MARCHF1: variants seen among roughly 807,000 people sequenced by gnomAD.
MARCHF1 encodes membrane associated ring-CH-type finger 1, also known as E3 ubiquitin-protein ligase MARCHF1.
Under a neutral mutation model 54.2 loss-of-function variants are expected in MARCHF1, and 40 were observed. The ratio of observed to expected loss-of-function variants is 0.74; its 90% CI spans 0.57 to 0.96. MARCHF1 has a LOEUF of 0.96. MARCHF1 is among the 40% of genes least tolerant of loss of function. The pLI is 0.00. For missense variants in MARCHF1, 586 were observed against 656.5 expected (o/e 0.89, Z 1.17); for synonymous variants, 236 against 236.3 (o/e 1.00, Z 0.01).
chr4:163,733,258 T>TATACACGTGTATATATACACAC (rs1554008879), intron 4 of MARCHF1, among the ~76,000 whole-genome samples: 81 of 45,064 alleles, frequency 1.8e-3, no homozygotes, highest in South Asian at 4.7e-3. Context: ...TATATATATA[T>TATACACGTGTATATATACACAC]ACACACACAC....
chr4:164,132,045 A>ATTT (rs1756311262), intron 1 of MARCHF1, among the ~76,000 whole-genome samples: 1 of 152,180 alleles, frequency 6.6e-6, no homozygotes, highest in Non-Finnish European at 1.5e-5. Context: ...CAGAACAGCC[A>ATTT]ATGGAACAAC....
intron 4 of MARCHF1, among the ~76,000 whole-genome samples, chr4:163,719,047 ATACTTT>A (rs1486280193): frequency 2.0e-5 from 3 of 152,134 alleles, no homozygotes; most frequent in African/African-American, 7.2e-5. Context: ...TTTATTTATT[ATACTTT>A]AAGTTCTAGG....
chr4:164,230,524 TTTTC>T (rs34933414), intron 1 of MARCHF1, among the ~76,000 whole-genome samples: 93,768 of 151,530 alleles, frequency 0.62, 29,933 homozygotes, highest in Non-Finnish European at 0.71. Context: ...ATTATTTACC[TTTTC>T]TTTGTGTTGA....
chr4:164,325,950 A>G (rs1176421103), intron 1 of MARCHF1, among the ~76,000 whole-genome samples: 2 of 152,212 alleles, frequency 1.3e-5, no homozygotes, highest in African/African-American at 2.4e-5. Flanking sequence ...AGCAGTGGCT[A>G]TAACAGGCAC....
chr4:164,031,128 A>T (rs1753867910), intron 2 of MARCHF1, among the ~76,000 whole-genome samples: 1 of 152,202 alleles, frequency 6.6e-6, no homozygotes, highest in Non-Finnish European at 1.5e-5. Flanking sequence ...GTGGTGACAG[A>T]AGGCATCCTT....
chr4:163,922,177 G>C (rs981172061), intron 3 of MARCHF1, among the ~76,000 whole-genome samples: 1 of 149,750 alleles, frequency 6.7e-6, no homozygotes, highest in Non-Finnish European at 1.5e-5. Context: ...GGAACACATG[G>C]ATGCGGGGGG....
At chr4:164,142,372 CA>C (rs1205898103) in intron 1 of MARCHF1, among the ~76,000 whole-genome samples, 2 of 152,148 alleles carry the variant, frequency 1.3e-5, no homozygotes, top group African/African-American at 4.8e-5. Flanking sequence ...GGGGGCAGGG[CA>C]CAGACAAACA....
At chr4:163,626,840 T>C (rs1190262111) in intron 5 of MARCHF1, among the ~76,000 whole-genome samples, 1 of 151,992 alleles carries the variant, frequency 6.6e-6, no homozygotes, top group African/African-American at 2.4e-5. Context: ...GGCAGGGGAA[T>C]TGCTTGAACC....
intron 4 of MARCHF1, among the ~76,000 whole-genome samples, chr4:163,802,650 A>G (rs1006059679): frequency 2.6e-5 from 4 of 152,218 alleles, no homozygotes; most frequent in Admixed American, 6.5e-5. Context: ...CATTAGACAT[A>G]TTCGATTCTT....
intron 1 of MARCHF1, among the ~76,000 whole-genome samples, chr4:164,222,642 C>A (rs973534172): frequency 1.3e-5 from 2 of 151,204 alleles, no homozygotes; most frequent in Non-Finnish European, 3.0e-5. Flanking sequence ...GAGAGGGAAC[C>A]AGGAAGAGAG....
chr4:164,177,779 TCTCA>T (rs1730726174), intron 1 of MARCHF1, among the ~76,000 whole-genome samples: 1 of 150,740 alleles, frequency 6.6e-6, no homozygotes, highest in Non-Finnish European at 1.5e-5. Flanking sequence ...TCTCTCTCTC[TCTCA>T]ATCTCAGTGT....
chr4:163,974,728 G>T (rs768228807), intron 3 of MARCHF1, among the ~76,000 whole-genome samples: 2 of 152,170 alleles, frequency 1.3e-5, no homozygotes, highest in Non-Finnish European at 2.9e-5. Flanking sequence ...TTGAGAGCAG[G>T]TATCAGTCGG....
In MARCHF1 at chr4:164,048,212, C is replaced by T. The variant is rs370729100; in HGVS notation, c.-247-59503G>A. Among the ~76,000 whole-genome samples the T allele has an allele frequency of 5.3e-5, 8 of 152,138 alleles. No homozygotes were observed. The South Asian group carries it at 8.3e-4, about 16-fold the overall frequency. On this transcript the variant is annotated intron_variant, in intron 2 of 9. Coordinates refer to ENST00000514618, the MANE Select transcript of MARCHF1 (RefSeq NM_001394959.1). ...TTTTAAATAGATATTTTTAAATCAG[C>T]TTAAACAAATCAGTATTTTTATTAT...
At chr4:164,151,504 C>T (rs936176372) in intron 1 of MARCHF1, among the ~76,000 whole-genome samples, 1 of 152,078 alleles carries the variant, frequency 6.6e-6, no homozygotes, top group Admixed American at 6.6e-5. Flanking sequence ...GCAATACTTC[C>T]TATGTTGTAC....
intron 4 of MARCHF1, among the ~76,000 whole-genome samples, chr4:163,779,423 G>T (rs1394894124): frequency 2.0e-5 from 3 of 152,118 alleles, no homozygotes; most frequent in Non-Finnish European, 4.4e-5. Context: ...ACTGCCTCTT[G>T]TACTTAGGAC....
chr4:164,126,015 ATGT>A (rs1424573721), intron 1 of MARCHF1, among the ~76,000 whole-genome samples: 1 of 152,208 alleles, frequency 6.6e-6, no homozygotes, highest in East Asian at 1.9e-4. Context: ...CCCTGAGTTA[ATGT>A]TGTAAGTTTG....
At chr4:164,161,417 A>C (rs1300991901) in intron 1 of MARCHF1, among the ~76,000 whole-genome samples, 1 of 152,092 alleles carries the variant, frequency 6.6e-6, no homozygotes, top group Non-Finnish European at 1.5e-5. Flanking sequence ...TTTCTTTATA[A>C]AGTACCCAGC....
Position 163,717,195 on chromosome 4 carries a change from G to A in MARCHF1, c.112-16332C>T, listed in dbSNP as rs1364746032. 1.2e-4 allele frequency among the ~76,000 whole-genome samples: 16 copies of A among 134,678 alleles called. 1 individual carries two copies. The highest frequency in any genetic ancestry group is 4.6e-5 in the Non-Finnish European group (3 of 65,446). The allele number at this position is 134,678 out of a possible 152,430, so 88.4% of individuals were successfully genotyped here. A position where few individuals can be genotyped will look rare whatever the true frequency, so the allele number is the denominator to read the frequency against. ...CAGTGTGTGATGTTCCTCTTCCTGT[G>A]TCCATGTGTTCTCATTGTTCAATTC... On this transcript the variant is annotated intron_variant, in intron 4 of 9. Transcript: ENST00000514618.
chr4:163,699,419 T>C (rs1481056025), intron 5 of MARCHF1, among the ~76,000 whole-genome samples: 1 of 152,198 alleles, frequency 6.6e-6, no homozygotes, highest in Non-Finnish European at 1.5e-5. Context: ...TATCTGACCA[T>C]TGGCATTGTC....
Sources: gnomAD v4.1 joint callset for allele counts (sites outside exome capture counted in the v4.1 genomes callset) on GRCh38, gnomAD v4.1.1 for gene constraint, MANE v1.5 for transcripts, NCBI Gene and HGNC (gene_info 2026-07-23, HGNC 2026-07-21) for gene names.